SLC25A35: variants seen among roughly 807,000 people sequenced by gnomAD.
SLC25A35 encodes the protein solute carrier family 25, member 35.
Under a neutral mutation model 30.5 loss-of-function variants are expected in SLC25A35, and 32 were observed. The ratio of observed to expected loss-of-function variants is 1.05; its 90% CI spans 0.79 to 1.41. SLC25A35 has a LOEUF of 1.41. Among genes scored for constraint, SLC25A35 ranks in the 40% most tolerant of loss-of-function variants. The pLI, the probability that SLC25A35 is intolerant of heterozygous loss-of-function variation, is 0.00. For synonymous variants in SLC25A35, 142 were observed against 158.1 expected (o/e 0.90, Z 0.77); for missense variants, 369 against 388.0 (o/e 0.95, Z 0.41).
In SLC25A35 at chr17:8,292,538, G is replaced by A. The variant is rs183653940; in HGVS notation, c.426C>T (p.His142=). The change falls in exon 2 of 5, where the codon CAC becomes CAT. Residue 142 remains histidine (H), a synonymous_variant. Transcript: ENST00000577745. ...GAACCCTCACCTGATGCTTATACTG[G>A]TGCCCTACAGCAATTTCTGAGGCTG... The part of the protein sequence containing the change: ...AQAASEIAVG[H]QYKHQGMFQA... 2.0e-5 allele frequency: 33 copies of A among 1,613,916 alleles called. No homozygotes were observed. The highest frequency in any genetic ancestry group is 2.0e-4 in the Admixed American group (12 of 59,978).
In SLC25A35 at chr17:8,295,138, C is replaced by T. The variant is rs991573669; in HGVS notation, c.-331G>A. 38 of 1,065,660 alleles carry T rather than the reference C, an allele frequency of 3.6e-5. No individual in the cohort carries two copies. Among genetic ancestry groups the T allele is most frequent in the Non-Finnish European group, 4.2e-5 (37 of 881,618 alleles). The allele number at this position is 1,065,660 out of a possible 1,614,324, so 66.0% of individuals were successfully genotyped here. On this transcript the variant is annotated 5_prime_UTR_variant, in exon 1 of 5. It adds an upstream start codon to the 5' untranslated region. Transcript: ENST00000577745. ...CTCAGGATGGCGGGCGACGGGAGCA[C>T]GGGAGTAGAGGAGGGAATCGCGGGG...
chr17:8,289,473 A>G, downstream of SLC25A35: 2 of 1,614,182 alleles, frequency 1.2e-6, no homozygotes, highest in Non-Finnish European at 1.7e-6. Flanking sequence ...GCAGAGATCC[A>G]GGTAAGCATC....
At chr17:8,289,831 T>C, downstream of SLC25A35, 1 of 1,614,054 alleles carries the variant, frequency 6.2e-7, no homozygotes, top group Non-Finnish European at 8.5e-7. Context: ...ACAGGTCATC[T>C]CTTGGCCCCG....
chr17:8,290,306 GA>G lies in SLC25A35; in HGVS notation c.*198del. ...GTGAGTTACCCAGGGAATGGGTAGG[GA>G]AGGTTTAAAGCAACACCCAAGGAAA... On this transcript the variant is annotated 3_prime_UTR_variant, in exon 5 of 5. Coordinates refer to ENST00000577745, the MANE Select transcript of SLC25A35 (RefSeq NM_001320870.2). The G allele has an allele frequency of 7.0e-7, 1 of 1,430,098 alleles. No homozygotes were observed. Among genetic ancestry groups the G allele is most frequent in the South Asian group, 1.5e-5 (1 of 65,602 alleles). 88.6% of individuals were successfully genotyped at this position (1,430,098 alleles called of 1,614,324 possible). A position where few individuals can be genotyped will look rare whatever the true frequency, so the allele number is the denominator to read the frequency against.
At chr17:8,291,201 G>T in intron 3 of SLC25A35, 132 bp downstream of exon 3, 2 of 1,401,036 alleles carry the variant, frequency 1.4e-6, no homozygotes, top group Non-Finnish European at 9.8e-7. Context: ...AGGGTCTAAA[G>T]AGTTGACCTC....
chr17:8,294,070 C>T (rs1452944981), intron 1 of SLC25A35, among the ~76,000 whole-genome samples: 2 of 150,556 alleles, frequency 1.3e-5, no homozygotes, highest in African/African-American at 4.9e-5. Flanking sequence ...CGCCCACCAC[C>T]GCACCCGGCT....
chr17:8,293,060 G>C (rs1426124359), intron 1 of SLC25A35, among the ~76,000 whole-genome samples: 1 of 152,190 alleles, frequency 6.6e-6, no homozygotes. Flanking sequence ...CACTGTCCCT[G>C]AAACTCACAC....
rs1423132070 is a variant in SLC25A35 at position 8,292,513 on chromosome 17, G to A, written c.441+10C>T. 6.2e-7 allele frequency: 1 copy of A among 1,613,910 alleles called. No homozygotes were observed. Among genetic ancestry groups the A allele is most frequent in the Admixed American group, 1.7e-5 (1 of 60,008 alleles). On this transcript the variant is annotated intron_variant, in intron 2 of 4. Transcript: ENST00000577745. Reference sequence around the variant, plus strand: ...TGGTCAGGGACTTTGGCAGACTTGGGAACCCTCACCTGATGCTTATACTGG... The same window carrying A: ...TGGTCAGGGACTTTGGCAGACTTGGAAACCCTCACCTGATGCTTATACTGG...
At position 8,290,512 on chromosome 17, in the gene SLC25A35, G is replaced by GTGTC; in HGVS notation, c.892_895dup (p.Thr299ArgfsTer3). 6.5e-7 allele frequency: 1 copy of GTGTC among 1,535,986 alleles called. No homozygotes were observed. The highest frequency in any genetic ancestry group is 8.7e-7 in the Non-Finnish European group (1 of 1,146,812). On this transcript the variant is annotated frameshift_variant, in exon 5 of 5. Coordinates refer to ENST00000577745, the MANE Select transcript of SLC25A35 (RefSeq NM_001320870.2). LOFTEE classifies it high-confidence loss of function. ...AGACTGGGAAAGCGGCTGTTATTTA[G>GTGTC]TGTCTGTGTAGTAGAGGGAGCGCAG...
intron 1 of SLC25A35, among the ~76,000 whole-genome samples, chr17:8,293,552 CTTTTTT>C (rs3033783): frequency 2.3e-5 from 3 of 129,194 alleles, no homozygotes; most frequent in African/African-American, 8.5e-5. Flanking sequence ...TCTTTCTTTT[CTTTTTT>C]TTTTTTTTTT....
intron 2 of SLC25A35, 42 bp downstream of exon 2, chr17:8,292,481 G>A: frequency 6.3e-7 from 1 of 1,594,166 alleles, no homozygotes; most frequent in Non-Finnish European, 8.6e-7. Flanking sequence ...GGGGAAAAGA[G>A]AAAGGATGGT....
At chr17:8,289,354 C>T (rs1055325630), downstream of SLC25A35, 2 of 1,614,016 alleles carry the variant, frequency 1.2e-6, no homozygotes, top group African/African-American at 1.3e-5. Flanking sequence ...CCCTGAGGGG[C>T]CGCTGTCAAG....
chr17:8,294,428 C>G lies in SLC25A35; in HGVS notation c.375+5G>C. The G allele has an allele frequency of 6.4e-7, 1 of 1,564,878 alleles. No homozygotes were observed. Among genetic ancestry groups the G allele is most frequent in the East Asian group, 2.3e-5 (1 of 44,426 alleles). On this transcript the variant is annotated splice_donor_5th_base_variant and intron_variant, in intron 1 of 4. Transcript: ENST00000577745. ...GAAGGTCCCAGGCAAGAGCCCTCTTCTTACCATGTAGATGGGGCTCCCCAA... is the reference window on the plus strand; with the variant it reads ...GAAGGTCCCAGGCAAGAGCCCTCTTGTTACCATGTAGATGGGGCTCCCCAA...
In SLC25A35 at chr17:8,290,712, GAGA is replaced by G. The variant is rs746554758; in HGVS notation, c.730-37_730-35del. 2.0e-5 allele frequency: 32 copies of G among 1,601,304 alleles called. No individual in the cohort carries two copies. In the South Asian group the frequency reaches 2.5e-4, roughly 13 times the overall value. ...GTGTCAGAGAGGGAGGGAGAGCACA[GAGA>G]AGGAGTTTGTCAGAGCCCACCAGGG... On this transcript the variant is annotated intron_variant, in intron 4 of 4. Coordinates refer to ENST00000577745, the MANE Select transcript of SLC25A35 (RefSeq NM_001320870.2).
chr17:8,292,432 T>G (rs376222369), intron 2 of SLC25A35, 91 bp downstream of exon 2: 3 of 1,258,660 alleles, frequency 2.4e-6, no homozygotes, highest in African/African-American at 1.5e-5. Context: ...AGCAGAGCAG[T>G]GGCTGGGATT....
chr17:8,288,837 A>G, downstream of SLC25A35: 1 of 1,614,140 alleles, frequency 6.2e-7, no homozygotes, highest in East Asian at 2.2e-5. Context: ...CTTTTCCGCC[A>G]TCCTCCCCAT....
intron 1 of SLC25A35, among the ~76,000 whole-genome samples, chr17:8,294,101 G>A (rs1189167829): frequency 6.6e-6 from 1 of 150,824 alleles, no homozygotes; most frequent in Non-Finnish European, 1.5e-5. Context: ...ATTTTTAGTA[G>A]AGACGGGGTT....
At chr17:8,292,452 G>T in intron 2 of SLC25A35, 71 bp downstream of exon 2, 1 of 1,457,106 alleles carries the variant, frequency 6.9e-7, no homozygotes, top group South Asian at 1.1e-5. Flanking sequence ...TGGATCTGTT[G>T]GGTGCAGGCA....
intron 2 of SLC25A35, among the ~76,000 whole-genome samples, chr17:8,292,079 G>A (rs1990549779): frequency 6.6e-6 from 1 of 152,218 alleles, no homozygotes; most frequent in African/African-American, 2.4e-5. Context: ...CTACTCAAGA[G>A]GTTGCAGCAG....
Sources: allele counts gnomAD v4.1 joint callset (sites outside exome capture counted in the v4.1 genomes callset), GRCh38; gene constraint gnomAD v4.1.1; transcripts MANE v1.5; gene names NCBI Gene and HGNC (gene_info 2026-07-23, HGNC 2026-07-21).